Variants in TTLL11 observed in about 807,000 individuals in gnomAD.
TTLL11 encodes the protein tubulin tyrosine ligase like 11, also known as tubulin polyglutamylase TTLL11.
In TTLL11, 42 loss-of-function variants were observed where a neutral mutation model predicts 51.7. That is an observed-to-expected ratio of 0.81 (90% confidence interval 0.64 to 1.05). The LOEUF is 1.05. Ranked by LOEUF, TTLL11 falls within the 50% of genes least tolerant of loss-of-function variation. The pLI, the probability that TTLL11 is intolerant of heterozygous loss-of-function variation, is 0.00. For synonymous variants in TTLL11, 381 were observed against 383.5 expected (o/e 0.99, Z 0.08); for missense variants, 799 against 940.4 (o/e 0.85, Z 1.97).
intron 1 of TTLL11, among the ~76,000 whole-genome samples, chr9:122,073,859 T>C (rs72767752): frequency 0.091 from 13,779 of 152,226 alleles, 1,218 homozygotes; most frequent in African/African-American, 0.24. Context: ...CCCACCATAT[T>C]TGTACATACT....
chr9:121,881,038 A>G (rs7033841), intron 6 of TTLL11, among the ~76,000 whole-genome samples: 110,615 of 152,164 alleles, frequency 0.73, 40,744 homozygotes, highest in East Asian at 0.9. Context: ...TCTACCCTGG[A>G]AGAACAAAAA....
At chr9:121,952,393 C>T (rs575355566) in intron 6 of TTLL11, among the ~76,000 whole-genome samples, 1 of 148,550 alleles carries the variant, frequency 6.7e-6, no homozygotes, top group African/African-American at 2.5e-5. Context: ...TTGCAGTGAG[C>T]CGAGATCACG....
At chr9:122,085,642 A>C (rs1259988773) in intron 1 of TTLL11, among the ~76,000 whole-genome samples, 1 of 152,226 alleles carries the variant, frequency 6.6e-6, no homozygotes, top group Non-Finnish European at 1.5e-5. Flanking sequence ...CCCCTGTTTA[A>C]GAAAAAATAG....
At chr9:121,886,627 T>C (rs1054739513) in intron 6 of TTLL11, among the ~76,000 whole-genome samples, 1 of 152,178 alleles carries the variant, frequency 6.6e-6, no homozygotes, top group African/African-American at 2.4e-5. Context: ...ATTTCTGTTG[T>C]TCTAAGTCAC....
intron 4 of TTLL11, among the ~76,000 whole-genome samples, chr9:121,983,475 T>C (rs1051566095): frequency 3.3e-5 from 5 of 151,640 alleles, no homozygotes; most frequent in African/African-American, 1.2e-4. Context: ...CATTTAGGAG[T>C]GATTGTGAAT....
At chr9:121,886,237 C>T (rs1246254017) in intron 6 of TTLL11, among the ~76,000 whole-genome samples, 2 of 152,206 alleles carry the variant, frequency 1.3e-5, no homozygotes, top group African/African-American at 4.8e-5. Context: ...AGCTGGAAGG[C>T]TGCAGTGGGC....
intron 3 of TTLL11, among the ~76,000 whole-genome samples, chr9:122,000,187 G>A (rs763221236): frequency 6.4e-4 from 97 of 152,180 alleles, no homozygotes; most frequent in Non-Finnish European, 1.1e-3. Flanking sequence ...AGACCTTGGT[G>A]ATGGCTGGGT....
chr9:122,026,929 A>G (rs868470397), intron 3 of TTLL11, among the ~76,000 whole-genome samples: 1 of 143,336 alleles, frequency 7.0e-6, no homozygotes, highest in African/African-American at 2.7e-5. Context: ...AAAAAAAAAA[A>G]AACTAGCCAG....
In TTLL11 at chr9:121,853,363, G is replaced by C. The variant is rs1042479542; in HGVS notation, c.1840+6974C>G. Among the ~76,000 whole-genome samples, 25 of 152,008 alleles carry C rather than the reference G, an allele frequency of 1.6e-4. No individual in the cohort carries two copies. The highest frequency in any genetic ancestry group is 5.6e-4 in the African/African-American group (23 of 41,368). ...GTCAAGGGCAGCGCTGGGTGCTGCG[G>C]AGCAGGTGAGACGGTACTGGGCCCA... On this transcript the variant is annotated intron_variant, in intron 8 of 8. Coordinates refer to ENST00000321582, the MANE Select transcript of TTLL11 (RefSeq NM_001139442.2). The surrounding 1 kb of genome is among the most constrained non-coding windows in gnomAD (Gnocchi z 5.6).
chr9:121,887,922 C>T (rs950906370), intron 6 of TTLL11, among the ~76,000 whole-genome samples: 1 of 152,152 alleles, frequency 6.6e-6, no homozygotes, highest in African/African-American at 2.4e-5. Flanking sequence ...GCAACCCCAA[C>T]ACCCAGTGGG....
intron 3 of TTLL11, among the ~76,000 whole-genome samples, chr9:122,027,674 C>G (rs903426895): frequency 6.6e-6 from 1 of 152,076 alleles, no homozygotes; most frequent in Non-Finnish European, 1.5e-5. Flanking sequence ...AGTTTAAAAA[C>G]TGAAGGCAAA....
intron 8 of TTLL11, among the ~76,000 whole-genome samples, chr9:121,846,193 T>C (rs1292562076): frequency 1.3e-5 from 2 of 151,988 alleles, no homozygotes; most frequent in Non-Finnish European, 2.9e-5. Context: ...GGGATAAAGG[T>C]GAGTAATAAT....
At chr9:121,897,640 A>ACACACACACACACACACACACACG (rs111331446) in intron 6 of TTLL11, among the ~76,000 whole-genome samples, 4,440 of 139,066 alleles carry the variant, frequency 0.032, 136 homozygotes, top group South Asian at 0.068. Context: ...ACACACACAC[A>ACACACACACACACACACACACACG]CGCGCGCGCG....
chr9:121,833,698 C>T (rs1212259200), intron 8 of TTLL11, among the ~76,000 whole-genome samples: 1 of 152,170 alleles, frequency 6.6e-6, no homozygotes, highest in Non-Finnish European at 1.5e-5. Context: ...TTCAAGCCCA[C>T]ACTCTTTTTT....
chr9:121,822,936 G>C lies in TTLL11; in HGVS notation c.1841-57C>G. ...ACACAGCTGCCCTACGCTGCCCTGG[G>C]AAGGCCCACCTCCAGCCACAAGGAT... On this transcript the variant is annotated intron_variant, in intron 8 of 8. Transcript: ENST00000321582. This position sits in a 1 kb window ranked among gnomAD's most constrained non-coding sequence, Gnocchi z 5.8. 1 of 1,475,282 alleles carries C rather than the reference G, an allele frequency of 6.8e-7. No homozygotes were observed. Among genetic ancestry groups the C allele is most frequent in the Non-Finnish European group, 9.0e-7 (1 of 1,109,208 alleles). The allele number at this position is 1,475,282 out of a possible 1,614,324, so 91.4% of individuals were successfully genotyped here.
rs139071858 is a variant in TTLL11 at position 122,031,849 on chromosome 9, C to T, written c.567G>A (p.Thr189=). Residue 189 remains threonine, a synonymous_variant, in exon 3 of 9, where the codon ACG becomes ACA. Coordinates refer to ENST00000321582, the MANE Select transcript of TTLL11 (RefSeq NM_001139442.2). ...TCAGAGTAATTTTACGCACCATCTCCGTCATGCCTGGGGAGAAGAGACGCT... is the reference window on the plus strand; with the variant it reads ...TCAGAGTAATTTTACGCACCATCTCTGTCATGCCTGGGGAGAAGAGACGCT... ...SGQVNKFPGM[T]EMVRKITLSR... 102 of 1,613,020 alleles carry T rather than the reference C, an allele frequency of 6.3e-5. No individual in the cohort carries two copies. In the African/African-American group the frequency reaches 8.9e-4, roughly 14 times the overall value.
chr9:121,930,749 C>CT (rs1840934714), intron 6 of TTLL11, among the ~76,000 whole-genome samples: 1 of 152,212 alleles, frequency 6.6e-6, no homozygotes. Flanking sequence ...TATGTGTGGA[C>CT]CTTTGCATCT....
intron 1 of TTLL11, among the ~76,000 whole-genome samples, chr9:122,083,940 T>C (rs1164863636): frequency 1.3e-5 from 2 of 152,212 alleles, no homozygotes; most frequent in Admixed American, 6.5e-5. Context: ...AGTTTTTATT[T>C]TATATGCTTG....
intron 6 of TTLL11, among the ~76,000 whole-genome samples, chr9:121,898,296 G>C (rs1839621286): frequency 6.6e-6 from 1 of 152,236 alleles, no homozygotes; most frequent in Non-Finnish European, 1.5e-5. Flanking sequence ...GGGAGAGACG[G>C]TGCTTGGGAA....
Sources: allele counts gnomAD v4.1 joint callset (sites outside exome capture counted in the v4.1 genomes callset), GRCh38; gene constraint gnomAD v4.1.1; non-coding constraint Gnocchi (gnomAD v3.1); transcripts MANE v1.5; gene names NCBI Gene and HGNC (gene_info 2026-07-23, HGNC 2026-07-21).